ALCAM: variants seen among roughly 807,000 people sequenced by gnomAD.
ALCAM encodes the protein CD166 antigen.
Under a neutral mutation model 70.9 loss-of-function variants are expected in ALCAM, and 30 were observed. That is an observed-to-expected ratio of 0.42 (90% CI 0.32 to 0.57). The LOEUF (loss-of-function observed/expected upper bound fraction) is 0.57. ALCAM is among the 20% of genes least tolerant of loss of function. The probability of loss-of-function intolerance (pLI) is 0.11; values close to 1 mark genes in which losing one functional copy is unlikely to be tolerated. For synonymous variants in ALCAM, 249 were observed against 242.5 expected (o/e 1.03, Z -0.25); for missense variants, 591 against 695.1 (o/e 0.85, Z 1.68).
intron 1 of ALCAM, among the ~76,000 whole-genome samples, chr3:105,391,187 G>A (rs961905554): frequency 1.8e-4 from 27 of 151,792 alleles, no homozygotes; most frequent in African/African-American, 5.3e-4. Flanking sequence ...TACTTTGGGC[G>A]GTATGGCCAT....
intron 1 of ALCAM, among the ~76,000 whole-genome samples, chr3:105,463,344 G>A (rs1040325296): frequency 6.6e-6 from 1 of 151,310 alleles, no homozygotes; most frequent in African/African-American, 2.4e-5. Flanking sequence ...TGCTCTGATG[G>A]AATTTTTATC....
intron 1 of ALCAM, among the ~76,000 whole-genome samples, chr3:105,461,266 C>T (rs1180196943): frequency 1.3e-5 from 2 of 151,690 alleles, no homozygotes; most frequent in African/African-American, 2.4e-5. Flanking sequence ...CCAAGAGAAA[C>T]TGGAAAACTA....
chr3:105,491,030 C>T (rs1684753345), intron 1 of ALCAM, among the ~76,000 whole-genome samples: 10 of 152,244 alleles, frequency 6.6e-5, no homozygotes, highest in Admixed American at 6.5e-4. Flanking sequence ...CCTGGACATC[C>T]AGGCATTTCC....
intron 1 of ALCAM, among the ~76,000 whole-genome samples, chr3:105,423,814 T>C (rs1351010566): frequency 6.6e-6 from 1 of 151,610 alleles, no homozygotes; most frequent in Admixed American, 6.6e-5. Flanking sequence ...TTCACACACA[T>C]TTTACAGAAG....
intron 1 of ALCAM, among the ~76,000 whole-genome samples, chr3:105,448,028 T>C (rs1160410812): frequency 1.3e-5 from 2 of 152,214 alleles, no homozygotes; most frequent in Non-Finnish European, 2.9e-5. Flanking sequence ...AACCTTGATA[T>C]ATGATTTCAC....
At chr3:105,546,613 A>T (rs1428498718) in intron 9 of ALCAM, among the ~76,000 whole-genome samples, 1 of 151,510 alleles carries the variant, frequency 6.6e-6, no homozygotes, top group Non-Finnish European at 1.5e-5. Flanking sequence ...TAGAGAAACT[A>T]AGTTTACTGT....
rs545880095 is a variant in ALCAM at position 105,469,699 on chromosome 3, A to G, written c.74-50368A>G. On this transcript the variant is annotated intron_variant, in intron 1 of 15. Transcript: ENST00000306107. ...TTTGTATCTGTAGGGAAGTTGGTCT[A>G]TTTGGAACTCTGAAAGCAGAACTCC... is the stretch of plus-strand genomic sequence containing the variant. 8.3e-4 allele frequency among the ~76,000 whole-genome samples: 125 copies of G among 151,232 alleles called. 1 individual carries two copies. Among genetic ancestry groups the G allele is most frequent in the Non-Finnish European group, 1.4e-3 (95 of 67,384 alleles).
chr3:105,519,070 T>A (rs1576216651), intron 1 of ALCAM, among the ~76,000 whole-genome samples: 1 of 152,110 alleles, frequency 6.6e-6, no homozygotes, highest in South Asian at 2.1e-4. Context: ...CTGTTTAAAG[T>A]AGCCCCTTCA....
At position 105,460,601 on chromosome 3, in the gene ALCAM, G is replaced by A. The variant is rs533354490; in HGVS notation, c.74-59466G>A. Among the ~76,000 whole-genome samples the A allele has an allele frequency of 7.2e-5, 11 of 152,092 alleles. No homozygotes were observed. In the East Asian group the frequency reaches 1.9e-3, roughly 27 times the overall value. On this transcript the variant is annotated intron_variant, in intron 1 of 15. Transcript: ENST00000306107. Reference sequence around the variant, plus strand: ...AATTTCAAGGACAAGAACTCACAGAGAGAAGGGTACACTTTCTTCAAGTGA... The same window carrying A: ...AATTTCAAGGACAAGAACTCACAGAAAGAAGGGTACACTTTCTTCAAGTGA...
At chr3:105,386,475 T>C (rs936742224) in intron 1 of ALCAM, among the ~76,000 whole-genome samples, 1 of 151,570 alleles carries the variant, frequency 6.6e-6, no homozygotes, top group African/African-American at 2.4e-5. Flanking sequence ...GTTGTAGACA[T>C]TACCCTAAAT....
At chr3:105,520,304 G>C (rs1215752754) in intron 2 of ALCAM, 137 bp downstream of exon 2, 8 of 601,564 alleles carry the variant, frequency 1.3e-5, no homozygotes, top group Admixed American at 3.0e-5. Flanking sequence ...AGGTAAAATT[G>C]TGTGGAATAT....
At chr3:105,447,897 T>C (rs1381086960) in intron 1 of ALCAM, among the ~76,000 whole-genome samples, 1 of 152,222 alleles carries the variant, frequency 6.6e-6, no homozygotes, top group African/African-American at 2.4e-5. Context: ...TATTTTTCTT[T>C]CTAATGTTCT....
chr3:105,570,084 G>A (rs1415936346), intron 14 of ALCAM, among the ~76,000 whole-genome samples: 1 of 152,136 alleles, frequency 6.6e-6, no homozygotes, highest in East Asian at 1.9e-4. Context: ...GGTCTCTACA[G>A]TTCTTTTGTT....
intron 1 of ALCAM, among the ~76,000 whole-genome samples, chr3:105,434,420 A>T (rs1281696847): frequency 2.0e-5 from 3 of 152,108 alleles, no homozygotes; most frequent in Non-Finnish European, 4.4e-5. Flanking sequence ...ATATGCTTGC[A>T]CTTAAAACTT....
At position 105,571,186 on chromosome 3, in the gene ALCAM, C is replaced by G. The variant is rs141900384; in HGVS notation, c.1665-666C>G. ...TTAGCAGAGATCGCAGGTCCCATCC[C>G]CACAGTTTCTGTTTCTGTTTCTGTA... On this transcript the variant is annotated intron_variant, in intron 14 of 15. Coordinates refer to ENST00000306107, the MANE Select transcript of ALCAM (RefSeq NM_001627.4). 5.6e-3 allele frequency among the ~76,000 whole-genome samples: 849 copies of G among 152,256 alleles called. 8 individuals carry two copies. The highest frequency in any genetic ancestry group is 0.044 in the East Asian group (227 of 5,180).
chr3:105,413,345 A>G (rs1039034807), intron 1 of ALCAM, among the ~76,000 whole-genome samples: 3 of 152,154 alleles, frequency 2.0e-5, no homozygotes, highest in African/African-American at 4.8e-5. Flanking sequence ...TTATATGTGT[A>G]TATTTGTACA....
chr3:105,517,519 T>G (rs1939415013), intron 1 of ALCAM, among the ~76,000 whole-genome samples: 1 of 152,218 alleles, frequency 6.6e-6, no homozygotes, highest in Non-Finnish European at 1.5e-5. Flanking sequence ...AATAAACAAC[T>G]TTTACTTTAC....
chr3:105,378,851 A>G (rs1935443300), intron 1 of ALCAM, among the ~76,000 whole-genome samples: 1 of 151,958 alleles, frequency 6.6e-6, no homozygotes, highest in African/African-American at 2.4e-5. Context: ...ATCATTTTCT[A>G]GAATCCATCC....
At chr3:105,509,699 C>T (rs1939182374) in intron 1 of ALCAM, among the ~76,000 whole-genome samples, 1 of 151,754 alleles carries the variant, frequency 6.6e-6, no homozygotes. Context: ...TGGTTGTTTC[C>T]TCTGCTGTGT....
Sources: gnomAD v4.1 joint callset for allele counts (sites outside exome capture counted in the v4.1 genomes callset) on GRCh38, gnomAD v4.1.1 for gene constraint, MANE v1.5 for transcripts, NCBI Gene and HGNC (gene_info 2026-07-23, HGNC 2026-07-21) for gene names.